Variants in LDLRAD4 observed in about 807,000 individuals in gnomAD.
The protein encoded by LDLRAD4 is low-density lipoprotein receptor class A domain-containing protein 4.
LDLRAD4 carries 5 observed loss-of-function variants against 17.0 expected under a neutral mutation model. That is an observed-to-expected ratio of 0.29 (90% CI 0.15 to 0.62). The LOEUF (loss-of-function observed/expected upper bound fraction) is 0.62. LDLRAD4 is among the 20% of genes least tolerant of loss of function. The probability of loss-of-function intolerance (pLI) is 0.84; values close to 1 mark genes in which losing one functional copy is unlikely to be tolerated. For synonymous variants in LDLRAD4, 168 were observed against 171.8 expected (o/e 0.98, Z 0.17); for missense variants, 340 against 424.7 (o/e 0.80, Z 1.75).
chr18:13,371,068 A>G (rs905387911), intron 1 of LDLRAD4, among the ~76,000 whole-genome samples: 1 of 152,124 alleles, frequency 6.6e-6, no homozygotes, highest in African/African-American at 2.4e-5. Flanking sequence ...GAATTTTCAG[A>G]CTAAGCTGTG....
intron 3 of LDLRAD4, chr18:13,519,649 C>G (rs896366778): frequency 6.6e-6 from 1 of 152,194 alleles, no homozygotes; most frequent in Non-Finnish European, 1.5e-5. Context: ...CCTGTAGTCT[C>G]AGCTACTCGG....
intron 3 of LDLRAD4, among the ~76,000 whole-genome samples, chr18:13,553,998 A>G (rs1051565790): frequency 6.6e-6 from 1 of 152,114 alleles, no homozygotes; most frequent in Admixed American, 6.5e-5. Context: ...AACTCTCAGT[A>G]TGTTTTATTT....
intron 3 of LDLRAD4, chr18:13,489,404 C>T (rs7240182): frequency 0.43 from 65,460 of 152,128 alleles, 15,179 homozygotes; most frequent in South Asian, 0.57. Context: ...CCTCCCACCT[C>T]GGCCTCCCAA....
intron 3 of LDLRAD4, among the ~76,000 whole-genome samples, chr18:13,499,068 CCAT>C (rs2147244022): frequency 6.8e-6 from 1 of 146,268 alleles, no homozygotes; most frequent in East Asian, 2.1e-4. Context: ...ATCCTTCTCG[CCAT>C]ACACATCCCG....
intron 1 of LDLRAD4, among the ~76,000 whole-genome samples, chr18:13,269,839 GATGTTC>G: frequency 6.6e-6 from 1 of 152,288 alleles, no homozygotes; most frequent in East Asian, 1.9e-4. Flanking sequence ...TATCCCCTTG[GATGTTC>G]TGTCCTCCAT....
rs563439932 is a variant in LDLRAD4 at position 13,490,087 on chromosome 18, T to C, written c.181+51703T>C. 5 of 152,092 alleles carry C rather than the reference T, an allele frequency of 3.3e-5. No homozygotes were observed. In the East Asian group the frequency reaches 9.7e-4, roughly 29 times the overall value. The allele number at this position is 152,092 out of a possible 1,614,324, so 9.4% of individuals were successfully genotyped here. ...AAAACCAGGCTTGCTCTTCAGAGAC[T>C]AGGAGGCTCCTGTTTTGGGCACTCC... On this transcript the variant is annotated intron_variant, in intron 3 of 5. Coordinates refer to ENST00000359446, the Ensembl canonical transcript of LDLRAD4.
At chr18:13,559,940 G>T (rs1648614) in intron 3 of LDLRAD4, among the ~76,000 whole-genome samples, 112,773 of 151,856 alleles carry the variant, frequency 0.74, 42,441 homozygotes, top group Middle Eastern at 0.85. Context: ...TTCAAACCAA[G>T]ATGTTGGTCT....
intron 1 of LDLRAD4, among the ~76,000 whole-genome samples, chr18:13,383,687 T>G (rs867187301): frequency 6.6e-6 from 1 of 152,218 alleles, no homozygotes; most frequent in Non-Finnish European, 1.5e-5. Context: ...GAACAGGGCC[T>G]GCAGGCTTCT....
intron 3 of LDLRAD4, among the ~76,000 whole-genome samples, chr18:13,511,437 G>A (rs567256080): frequency 2.8e-4 from 42 of 152,250 alleles, no homozygotes; most frequent in African/African-American, 9.6e-4. Context: ...GCTCAAAGCC[G>A]GGAGGAGGAG....
At chr18:13,496,127 G>T (rs1352033379) in intron 3 of LDLRAD4, among the ~76,000 whole-genome samples, 1 of 152,210 alleles carries the variant, frequency 6.6e-6, no homozygotes, top group Non-Finnish European at 1.5e-5. Flanking sequence ...ATGGGTACCA[G>T]TGAGGGCACA....
chr18:13,563,286 A>G (rs1249483347), intron 3 of LDLRAD4, among the ~76,000 whole-genome samples: 1 of 152,218 alleles, frequency 6.6e-6, no homozygotes, highest in Non-Finnish European at 1.5e-5. Context: ...TTAGGCTGAC[A>G]GTTAGACCCA....
rs895455908 is a variant in LDLRAD4 at position 13,424,107 on chromosome 18, C to T, written c.41-14137C>T. Reference sequence around the variant, plus strand: ...CCAAGATTGCACCATTGCACTCCAGCCTGGGCGACGAGAGTGAAACTCCAT... The same window carrying T: ...CCAAGATTGCACCATTGCACTCCAGTCTGGGCGACGAGAGTGAAACTCCAT... On this transcript the variant is annotated intron_variant, in intron 2 of 5. Transcript: ENST00000359446. Among the ~76,000 whole-genome samples the T allele has an allele frequency of 2.0e-5, 3 of 150,064 alleles. No individual in the cohort carries two copies. In the South Asian group the frequency reaches 6.4e-4, roughly 32 times the overall value.
chr18:13,530,776 G>C (rs2094114515), intron 3 of LDLRAD4, among the ~76,000 whole-genome samples: 1 of 151,766 alleles, frequency 6.6e-6, no homozygotes, highest in Admixed American at 6.6e-5. Context: ...GGCTCCTGCT[G>C]CCTGGAAGCC....
chr18:13,637,614 C>G (rs954018981), intron 4 of LDLRAD4, among the ~76,000 whole-genome samples: 2 of 152,076 alleles, frequency 1.3e-5, no homozygotes, highest in Non-Finnish European at 2.9e-5. Flanking sequence ...GCCTGTAATC[C>G]TAGCACTTTG....
At chr18:13,271,699 A>G (rs2044554780) in intron 1 of LDLRAD4, among the ~76,000 whole-genome samples, 1 of 152,184 alleles carries the variant, frequency 6.6e-6, no homozygotes, top group Admixed American at 6.5e-5. Context: ...TTTGACGCGC[A>G]GGAGGTGGGG....
exon 6 of LDLRAD4, chr18:13,648,213 T>G (rs553303704): frequency 6.6e-6 from 1 of 152,356 alleles, no homozygotes; most frequent in South Asian, 2.1e-4. Context: ...ACTTGTGAAT[T>G]CCTTAGTAAC....
At chr18:13,407,997 A>G (rs2145639399) in intron 2 of LDLRAD4, among the ~76,000 whole-genome samples, 1 of 152,266 alleles carries the variant, frequency 6.6e-6, no homozygotes, top group East Asian at 1.9e-4. Flanking sequence ...TACAACTACA[A>G]TTGTTTGTAT....
At chr18:13,277,472 C>T (rs76238120), upstream of LDLRAD4, among the ~76,000 whole-genome samples, 141 of 152,328 alleles carry the variant, frequency 9.3e-4, no homozygotes, top group Non-Finnish European at 1.4e-3. Context: ...ATGCCAGTGA[C>T]AGGTTGTATG....
chr18:13,294,249 C>T (rs868067913), intron 1 of LDLRAD4, among the ~76,000 whole-genome samples: 4 of 152,282 alleles, frequency 2.6e-5, no homozygotes, highest in South Asian at 2.1e-4. Context: ...AGTTTCTGTC[C>T]GCGATGAAAG....
Sources: gnomAD v4.1 joint callset for allele counts (sites outside exome capture counted in the v4.1 genomes callset) on GRCh38, gnomAD v4.1.1 for gene constraint, MANE v1.5 for transcripts, NCBI Gene and HGNC (gene_info 2026-07-23, HGNC 2026-07-21) for gene names.